Variants in CSMD1 observed in about 807,000 individuals in gnomAD.
The protein encoded by CSMD1 is CUB and Sushi multiple domains 1, also known as CUB and sushi domain-containing protein 1.
A neutral mutation model predicts 417.5 loss-of-function variants in CSMD1; 213 were observed. The ratio of observed to expected loss-of-function variants is 0.51; its 90% CI spans 0.46 to 0.57. CSMD1 has a LOEUF of 0.57. CSMD1 is among the 20% of genes least tolerant of loss of function. The pLI is 0.00. For missense variants in CSMD1, 6,923 were observed against 4,529.7 expected (o/e 1.53, Z -15.17); for synonymous variants, 2,862 against 1,736.8 (o/e 1.65, Z -16.11).
At chr8:4,217,562 G>A (rs369216726) in intron 3 of CSMD1, among the ~76,000 whole-genome samples, 18 of 152,066 alleles carry the variant, frequency 1.2e-4, no homozygotes, top group East Asian at 3.9e-4. Flanking sequence ...AAGGCTTTAC[G>A]CAGCAAAGGT....
At position 4,140,906 on chromosome 8, in the gene CSMD1, G is replaced by C. The variant is rs904918572; in HGVS notation, c.416-108807C>G. ...ATCGCCAATGCACAGGCTCAGTAGG[G>C]CCGACTTACTGCTAACAAAAACTTC... On this transcript the variant is annotated intron_variant, in intron 3 of 69. Coordinates refer to ENST00000635120, the MANE Select transcript of CSMD1 (RefSeq NM_033225.6). 3.3e-5 allele frequency among the ~76,000 whole-genome samples: 5 copies of C among 151,168 alleles called. No individual in the cohort carries two copies. The East Asian group carries it at 9.7e-4, about 29-fold the overall frequency.
At chr8:4,329,262 C>T (rs1478029866) in intron 3 of CSMD1, among the ~76,000 whole-genome samples, 2 of 152,036 alleles carry the variant, frequency 1.3e-5, no homozygotes, top group South Asian at 2.1e-4. Context: ...CAAACAAAGA[C>T]CTATTACTAA....
intron 2 of CSMD1, among the ~76,000 whole-genome samples, chr8:4,629,968 C>G (rs1044220787): frequency 6.6e-6 from 1 of 152,090 alleles, no homozygotes; most frequent in Non-Finnish European, 1.5e-5. Context: ...TATTTGAATA[C>G]TTTTCCACAC....
chr8:3,172,730 T>C (rs1333991456), intron 37 of CSMD1, among the ~76,000 whole-genome samples: 2 of 152,160 alleles, frequency 1.3e-5, no homozygotes, highest in Non-Finnish European at 2.9e-5. Flanking sequence ...TCTGTGAAGG[T>C]CATTCCTAAA....
intron 7 of CSMD1, among the ~76,000 whole-genome samples, chr8:3,676,390 T>C (rs115120704): frequency 0.014 from 2,115 of 152,300 alleles, 48 homozygotes; most frequent in African/African-American, 0.048. Context: ...TGAAAACTTA[T>C]ATACCAAGCA....
intron 10 of CSMD1, among the ~76,000 whole-genome samples, chr8:3,549,269 C>G (rs559361706): frequency 5.3e-5 from 8 of 152,360 alleles, no homozygotes; most frequent in Non-Finnish European, 1.2e-4. Context: ...GCGAAGTGTG[C>G]CAGTGACTGT....
intron 3 of CSMD1, among the ~76,000 whole-genome samples, chr8:4,121,435 C>T (rs967515360): frequency 4.6e-5 from 7 of 152,306 alleles, no homozygotes; most frequent in South Asian, 4.1e-4. Context: ...TTCACACGCC[C>T]ACCACACCGG....
intron 18 of CSMD1, among the ~76,000 whole-genome samples, chr8:3,385,028 A>ATG (rs1381504991): frequency 2.1e-5 from 2 of 93,178 alleles, no homozygotes; most frequent in Non-Finnish European, 4.1e-5. Context: ...ATATATAAAT[A>ATG]TAATATATAT....
At chr8:3,634,061 TG>T (rs1324591098) in intron 7 of CSMD1, among the ~76,000 whole-genome samples, 2 of 118,372 alleles carry the variant, frequency 1.7e-5, no homozygotes, top group Non-Finnish European at 3.4e-5. Context: ...TCAGCACATC[TG>T]GGTAGGGGGT....
intron 10 of CSMD1, among the ~76,000 whole-genome samples, chr8:3,550,180 C>G (rs1046756970): frequency 6.6e-6 from 1 of 152,146 alleles, no homozygotes; most frequent in Non-Finnish European, 1.5e-5. Flanking sequence ...CTTTTGATCC[C>G]GATTCTCCCA....
intron 12 of CSMD1, among the ~76,000 whole-genome samples, chr8:3,411,027 CA>C (rs1812667166): frequency 6.6e-6 from 1 of 152,076 alleles, no homozygotes; most frequent in Non-Finnish European, 1.5e-5. Flanking sequence ...CAGTGAGGGA[CA>C]AATGGGCAGA....
At chr8:2,972,881 G>A (rs374470162) in intron 57 of CSMD1, among the ~76,000 whole-genome samples, 9 of 152,158 alleles carry the variant, frequency 5.9e-5, no homozygotes, top group Admixed American at 2.0e-4. Flanking sequence ...AGAAGCTTCC[G>A]TGTTACGAAC....
intron 6 of CSMD1, among the ~76,000 whole-genome samples, chr8:3,721,497 G>A (rs1243635431): frequency 2.0e-5 from 3 of 152,150 alleles, no homozygotes; most frequent in Admixed American, 6.5e-5. Context: ...AGATAGCAAG[G>A]TAACTTACAG....
At chr8:4,991,662 G>A (rs568524966) in intron 1 of CSMD1, among the ~76,000 whole-genome samples, 1 of 152,102 alleles carries the variant, frequency 6.6e-6, no homozygotes, top group East Asian at 1.9e-4. Context: ...GGAGCGCGCT[G>A]CCGAGCCCCG....
intron 3 of CSMD1, among the ~76,000 whole-genome samples, chr8:4,334,195 C>T (rs1284800289): frequency 6.6e-6 from 1 of 152,102 alleles, no homozygotes; most frequent in Non-Finnish European, 1.5e-5. Flanking sequence ...GTGTGAGCCA[C>T]CATGCCTGGC....
At chr8:4,093,770 G>C (rs1800843090) in intron 3 of CSMD1, among the ~76,000 whole-genome samples, 1 of 152,238 alleles carries the variant, frequency 6.6e-6, no homozygotes, top group South Asian at 2.1e-4. Flanking sequence ...AGACCAGCTT[G>C]GCCAACATGG....
intron 3 of CSMD1, among the ~76,000 whole-genome samples, chr8:4,385,667 A>C (rs557511479): frequency 6.6e-6 from 1 of 152,320 alleles, no homozygotes; most frequent in East Asian, 1.9e-4. Context: ...TGTAGGCATT[A>C]TCCAAAGCAC....
chr8:4,200,682 C>A (rs922742137), intron 3 of CSMD1, among the ~76,000 whole-genome samples: 1 of 151,944 alleles, frequency 6.6e-6, no homozygotes, highest in African/African-American at 2.4e-5. Context: ...GTAGGAAGAC[C>A]GCACCTCTAC....
At chr8:3,538,457 A>C (rs1424002127) in intron 10 of CSMD1, among the ~76,000 whole-genome samples, 1 of 151,910 alleles carries the variant, frequency 6.6e-6, no homozygotes, top group Non-Finnish European at 1.5e-5. Context: ...TGCACCTGAG[A>C]TGCCTCACCT....
Sources: gnomAD v4.1 joint callset for allele counts (sites outside exome capture counted in the v4.1 genomes callset) on GRCh38, gnomAD v4.1.1 for gene constraint, MANE v1.5 for transcripts, NCBI Gene and HGNC (gene_info 2026-07-23, HGNC 2026-07-21) for gene names.